The following STIM1 variants were observed in gnomAD, a reference collection of about 807,000 sequenced individuals.
STIM1 encodes stromal interaction molecule 1.
Under a neutral mutation model 74.7 loss-of-function variants are expected in STIM1, and 25 were observed. The ratio of observed to expected loss-of-function variants is 0.33; its 90% confidence interval spans 0.24 to 0.47. The LOEUF is 0.47. STIM1 is among the 20% of genes least tolerant of loss of function. The probability of loss-of-function intolerance (pLI) is 1.00; values close to 1 mark genes in which losing one functional copy is unlikely to be tolerated. For synonymous variants in STIM1, 328 were observed against 348.8 expected (o/e 0.94, Z 0.66); for missense variants, 728 against 920.8 (o/e 0.79, Z 2.71).
chr11:3,895,445 G>A (rs1287766029), intron 1 of STIM1, among the ~76,000 whole-genome samples: 1 of 152,130 alleles, frequency 6.6e-6, no homozygotes, highest in Non-Finnish European at 1.5e-5. Context: ...CCTTCCATCT[G>A]TGTAGCACTT....
intron 3 of STIM1, among the ~76,000 whole-genome samples, chr11:4,053,856 C>T (rs1336379750): frequency 4.6e-5 from 7 of 152,160 alleles, no homozygotes; most frequent in African/African-American, 1.7e-4. Context: ...CAATCTCCCG[C>T]CTTAGCCTCT....
At chr11:4,088,657 A>T (rs1468999385) in intron 12 of STIM1, 2 of 1,528,608 alleles carry the variant, frequency 1.3e-6, no homozygotes, top group Non-Finnish European at 1.8e-6. Context: ...ACCTGTATCC[A>T]CCTGGCCTGT....
intron 1 of STIM1, among the ~76,000 whole-genome samples, chr11:3,863,994 T>TC (rs1348541077): frequency 4.6e-5 from 7 of 151,924 alleles, no homozygotes; most frequent in African/African-American, 7.3e-5. Flanking sequence ...TTAGCATGCA[T>TC]CCCCCGAGAA....
chr11:4,002,882 G>A (rs901327031), intron 2 of STIM1, among the ~76,000 whole-genome samples: 9 of 138,420 alleles, frequency 6.5e-5, no homozygotes, highest in African/African-American at 2.1e-4. Context: ...TCAAATAGAC[G>A]CAATAAAAAA....
chr11:3,980,093 G>GT (rs1590619858), intron 2 of STIM1, among the ~76,000 whole-genome samples: 1 of 152,066 alleles, frequency 6.6e-6, no homozygotes, highest in African/African-American at 2.4e-5. Flanking sequence ...TGATTGTATT[G>GT]TTTTGTCTAT....
chr11:3,951,129 C>G (rs942732209), intron 1 of STIM1, among the ~76,000 whole-genome samples: 1 of 152,168 alleles, frequency 6.6e-6, no homozygotes, highest in Non-Finnish European at 1.5e-5. Flanking sequence ...GGCTATGGAG[C>G]CTGGGCTGCC....
chr11:3,979,678 A>G (rs142056633), intron 2 of STIM1, among the ~76,000 whole-genome samples: 1 of 152,148 alleles, frequency 6.6e-6, no homozygotes, highest in Non-Finnish European at 1.5e-5. Context: ...GGTCTCAAGC[A>G]ACCCCTCACC....
intron 12 of STIM1, chr11:4,088,629 G>C (rs2094506514): frequency 1.4e-6 from 2 of 1,401,338 alleles, no homozygotes; most frequent in Admixed American, 2.0e-5. Flanking sequence ...GGGCAGTGGG[G>C]AGGAAGGGCG....
chr11:3,856,306 C>T lies in STIM1; in HGVS notation c.36C>T (p.Leu12=), dbSNP rs2090366505. 1.2e-6 allele frequency: 2 copies of T among 1,614,084 alleles called. No homozygotes were observed. Among genetic ancestry groups the T allele is most frequent in the Non-Finnish European group, 1.7e-6 (2 of 1,180,042 alleles). Residue 12 remains leucine, a synonymous_variant, in exon 1 of 13, where the codon CTC becomes CTT. Transcript: ENST00000526596. ...GCGTCCGTCTTGCCCTGTGGCTCCT[C>T]TGGGGACTCCTCCTGCACCAGGGCC... is the stretch of plus-strand genomic sequence containing the variant. ...DVCVRLALWL[L]WGLLLHQGQS...
intron 3 of STIM1, among the ~76,000 whole-genome samples, chr11:4,042,818 G>T (rs1437358069): frequency 6.6e-6 from 1 of 152,020 alleles, no homozygotes; most frequent in Non-Finnish European, 1.5e-5. Flanking sequence ...TTGAATGAAG[G>T]TACATATGAA....
chr11:3,977,660 A>G (rs1253730544), intron 2 of STIM1, among the ~76,000 whole-genome samples: 1 of 152,222 alleles, frequency 6.6e-6, no homozygotes, highest in Non-Finnish European at 1.5e-5. Flanking sequence ...CATCAGAAAG[A>G]ACATATATTT....
At chr11:4,013,490 G>A (rs1314264737) in intron 2 of STIM1, among the ~76,000 whole-genome samples, 1 of 151,706 alleles carries the variant, frequency 6.6e-6, no homozygotes, top group Non-Finnish European at 1.5e-5. Context: ...ATTTCTTCTA[G>A]ATTTTCTAGT....
intron 1 of STIM1, among the ~76,000 whole-genome samples, chr11:3,949,553 C>T (rs546658437): frequency 6.6e-6 from 1 of 152,208 alleles, no homozygotes; most frequent in Admixed American, 6.5e-5. Context: ...TTTCCTCAGT[C>T]ATTTTTCAAC....
intron 3 of STIM1, among the ~76,000 whole-genome samples, chr11:4,027,305 CT>C (rs937713709): frequency 6.6e-6 from 1 of 151,846 alleles, no homozygotes; most frequent in Non-Finnish European, 1.5e-5. Context: ...TTCGCCTTTT[CT>C]TTTTTTTCTT....
chr11:3,920,571 G>A (rs2092705110), intron 1 of STIM1, among the ~76,000 whole-genome samples: 1 of 151,900 alleles, frequency 6.6e-6, no homozygotes, highest in Non-Finnish European at 1.5e-5. Context: ...CATTTTCTCT[G>A]TCCCCAAGTG....
intron 2 of STIM1, among the ~76,000 whole-genome samples, chr11:4,003,898 TAA>T (rs1409532780): frequency 6.6e-6 from 1 of 151,862 alleles, no homozygotes; most frequent in East Asian, 1.9e-4. Flanking sequence ...AGTCTCAGGA[TAA>T]AAAAAATCAA....
At chr11:3,968,418 G>T (rs2093360373) in intron 2 of STIM1, among the ~76,000 whole-genome samples, 1 of 152,180 alleles carries the variant, frequency 6.6e-6, no homozygotes, top group Admixed American at 6.5e-5. Context: ...TCACGATGGG[G>T]GAGATATCCC....
Position 4,083,731 on chromosome 11 carries a change from G to A in STIM1, c.1474+233G>A, listed in dbSNP as rs1425459792. On this transcript the variant is annotated intron_variant, in intron 10 of 12. Transcript: ENST00000526596. ...TGCCCCTTTGGGTCTATTGTGCTAA[G>A]TGTGTCTCCCTTCATTCTTTTTCAC... 7.2e-6 allele frequency: 4 copies of A among 553,196 alleles called. No homozygotes were observed. The East Asian group carries it at 9.1e-5, about 13-fold the overall frequency. 34.3% of individuals were successfully genotyped at this position (553,196 alleles called of 1,614,324 possible).
chr11:3,867,643 A>G (rs2090909049), intron 1 of STIM1, among the ~76,000 whole-genome samples: 1 of 152,268 alleles, frequency 6.6e-6, no homozygotes, highest in Non-Finnish European at 1.5e-5. Flanking sequence ...CTGAGCAGGC[A>G]TCACATCAGC....
Sources: allele counts gnomAD v4.1 joint callset (sites outside exome capture counted in the v4.1 genomes callset), GRCh38; gene constraint gnomAD v4.1.1; transcripts MANE v1.5; gene names NCBI Gene and HGNC (gene_info 2026-07-23, HGNC 2026-07-21).